The following ELMO1 variants were observed in gnomAD, a reference collection of about 807,000 sequenced individuals.
ELMO1 encodes engulfment and cell motility 1, also known as engulfment and cell motility protein 1.
In ELMO1, 26 loss-of-function variants were observed where a neutral mutation model predicts 98.9. That is an observed-to-expected ratio of 0.26 (90% CI 0.19 to 0.36). The LOEUF (loss-of-function observed/expected upper bound fraction) is 0.36, where lower values mean the gene tolerates loss of function less well. Ranked by LOEUF, ELMO1 falls within the 10% of genes least tolerant of loss-of-function variation. The pLI is 1.00. For missense variants in ELMO1, 627 were observed against 935.2 expected (o/e 0.67, Z 4.30); for synonymous variants, 346 against 346.0 (o/e 1.00, Z 0.00).
chr7:37,223,030 A>C (rs950290280), intron 9 of ELMO1, among the ~76,000 whole-genome samples: 14 of 152,194 alleles, frequency 9.2e-5, no homozygotes, highest in Admixed American at 7.9e-4. Context: ...GTCTGTATGT[A>C]TGTATGTGTA....
At chr7:36,980,753 C>G (rs1471915661) in intron 16 of ELMO1, among the ~76,000 whole-genome samples, 1 of 152,164 alleles carries the variant, frequency 6.6e-6, no homozygotes, top group African/African-American at 2.4e-5. Flanking sequence ...TCTGCACTCA[C>G]TGAAATCCCA....
At position 36,855,510 on chromosome 7, in the gene ELMO1, G is replaced by A; in HGVS notation, c.*41C>T. The A allele has an allele frequency of 6.2e-7, 1 of 1,611,086 alleles. No homozygotes were observed. The highest frequency in any genetic ancestry group is 8.5e-7 in the Non-Finnish European group (1 of 1,178,192). ...TTCATTCCTCTCTCCTGTTAGCTAG[G>A]TGTTCCAGTTTTGGAAGGGGCATGT... On this transcript the variant is annotated 3_prime_UTR_variant, in exon 22 of 22. Coordinates refer to ENST00000310758, the MANE Select transcript of ELMO1 (RefSeq NM_014800.11). The surrounding 1 kb of genome is among the most constrained non-coding windows in gnomAD (Gnocchi z 4.2).
At chr7:37,146,718 T>C (rs1788012945) in intron 13 of ELMO1, among the ~76,000 whole-genome samples, 1 of 152,090 alleles carries the variant, frequency 6.6e-6, no homozygotes, top group African/African-American at 2.4e-5. Flanking sequence ...AATCAATAGA[T>C]TGGATGAAAA....
intron 16 of ELMO1, among the ~76,000 whole-genome samples, chr7:36,965,662 T>C (rs1789359986): frequency 6.6e-6 from 1 of 152,182 alleles, no homozygotes; most frequent in Non-Finnish European, 1.5e-5. Context: ...TAATCAGTAC[T>C]GAAAATTGAA....
intron 14 of ELMO1, among the ~76,000 whole-genome samples, chr7:37,118,864 G>A (rs1015909): frequency 0.24 from 36,791 of 152,112 alleles, 5,658 homozygotes; most frequent in African/African-American, 0.44. Flanking sequence ...CACTGGGTCA[G>A]TGAAGCAAAA....
chr7:36,869,136 T>C (rs1178119271), intron 20 of ELMO1, among the ~76,000 whole-genome samples: 1 of 152,202 alleles, frequency 6.6e-6, no homozygotes, highest in East Asian at 1.9e-4. Context: ...GAAACCCCCG[T>C]TGGTGCTGTG....
rs191554102 is a variant in ELMO1 at position 36,990,377 on chromosome 7, T to C, written c.1437+22922A>G. On this transcript the variant is annotated intron_variant, in intron 16 of 21. Coordinates refer to ENST00000310758, the MANE Select transcript of ELMO1 (RefSeq NM_014800.11). The stretch of plus-strand genomic sequence containing the variant: ...ATGAAGTTGTTCTGCATACACCTAA[T>C]GGACTTGTACTCCACAGGCTCCACA... 2.0e-5 allele frequency among the ~76,000 whole-genome samples: 3 copies of C among 152,176 alleles called. No individual in the cohort carries two copies. In the South Asian group the frequency reaches 6.2e-4, roughly 32 times the overall value.
intron 14 of ELMO1, among the ~76,000 whole-genome samples, chr7:37,103,524 TG>T (rs1362881410): frequency 1.4e-5 from 1 of 71,660 alleles, no homozygotes; most frequent in African/African-American, 5.7e-5. Context: ...TGTTGTGGGG[TG>T]GGGGGAGGGG....
At chr7:37,169,780 G>C (rs190452431) in intron 13 of ELMO1, among the ~76,000 whole-genome samples, 2 of 152,342 alleles carry the variant, frequency 1.3e-5, no homozygotes, top group African/African-American at 4.8e-5. Flanking sequence ...CCAACAGGAA[G>C]AGCTTTTGCT....
intron 15 of ELMO1, among the ~76,000 whole-genome samples, chr7:37,030,021 C>T (rs1363957167): frequency 6.6e-6 from 1 of 152,174 alleles, no homozygotes; most frequent in East Asian, 1.9e-4. Context: ...AATCCAATCA[C>T]AGACATTGCC....
At chr7:37,260,241 T>C (rs1374738669) in intron 5 of ELMO1, among the ~76,000 whole-genome samples, 3 of 152,232 alleles carry the variant, frequency 2.0e-5, no homozygotes, top group Non-Finnish European at 4.4e-5. Flanking sequence ...TGAAGCACTC[T>C]GCTATCATCA....
At chr7:36,971,219 G>A (rs1231263690) in intron 16 of ELMO1, among the ~76,000 whole-genome samples, 1 of 152,198 alleles carries the variant, frequency 6.6e-6, no homozygotes, top group African/African-American at 2.4e-5. Context: ...TACTTAACAG[G>A]CCTTACCACC....
intron 13 of ELMO1, among the ~76,000 whole-genome samples, chr7:37,149,436 G>A (rs1463705656): frequency 6.6e-6 from 1 of 152,074 alleles, no homozygotes; most frequent in Non-Finnish European, 1.5e-5. Flanking sequence ...AATGCTTTTT[G>A]TACAGTTGAG....
chr7:37,174,583 A>G (rs1409552005), intron 13 of ELMO1, among the ~76,000 whole-genome samples: 1 of 152,178 alleles, frequency 6.6e-6, no homozygotes, highest in Non-Finnish European at 1.5e-5. Context: ...CTTGTAATCC[A>G]GCATCCAGCA....
At chr7:36,974,270 C>T (rs933681576) in intron 16 of ELMO1, among the ~76,000 whole-genome samples, 1 of 152,134 alleles carries the variant, frequency 6.6e-6, no homozygotes, top group Non-Finnish European at 1.5e-5. Context: ...CAATCAGCAC[C>T]CTGTGTTTAG....
intron 15 of ELMO1, among the ~76,000 whole-genome samples, chr7:37,057,870 G>A (rs146173996): frequency 6.6e-6 from 1 of 152,328 alleles, no homozygotes; most frequent in African/African-American, 2.4e-5. Flanking sequence ...TTACATTTGT[G>A]TATTGCCATA....
chr7:37,222,670 T>C lies in ELMO1; in HGVS notation c.725A>G (p.Tyr242Cys). 1.2e-6 allele frequency: 2 copies of C among 1,613,990 alleles called. No homozygotes were observed. Among genetic ancestry groups the C allele is most frequent in the Non-Finnish European group, 8.5e-7 (1 of 1,179,894 alleles). ...AAGCGCATTAATCACTGCAATAGTA[T>C]AGGTTTGGATTTCTTGATCTGACCT... Reference protein sequence around the residue: ...LQGSDQEIQTYTIAVINALFL... With the variant: ...LQGSDQEIQTCTIAVINALFL... Residue 242 changes from tyrosine (Y) to cysteine (C), a missense_variant, in exon 10 of 22, where the codon TAT becomes TGT. Tyr to Cys is a radical substitution (Grantham distance 194). Coordinates refer to ENST00000310758, the MANE Select transcript of ELMO1 (RefSeq NM_014800.11).
chr7:36,892,739 G>C (rs1286407961), intron 17 of ELMO1, among the ~76,000 whole-genome samples: 1 of 152,170 alleles, frequency 6.6e-6, no homozygotes, highest in African/African-American at 2.4e-5. Flanking sequence ...GCCGGCTTCA[G>C]AGACTGGGGT....
chr7:37,369,897 G>A (rs144369672), intron 1 of ELMO1, among the ~76,000 whole-genome samples: 7 of 152,212 alleles, frequency 4.6e-5, no homozygotes, highest in Admixed American at 2.6e-4. Flanking sequence ...TCCCTCTGAC[G>A]TCTCCCTACT....
Sources: gnomAD v4.1 joint callset for allele counts (sites outside exome capture counted in the v4.1 genomes callset) on GRCh38, gnomAD v4.1.1 for gene constraint, Gnocchi (gnomAD v3.1) non-coding constraint, MANE v1.5 for transcripts, NCBI Gene and HGNC (gene_info 2026-07-23, HGNC 2026-07-21) for gene names.